Variants in ZC3H3 observed in about 807,000 individuals in gnomAD.
ZC3H3 encodes the protein zinc finger CCCH domain-containing protein 3.
In ZC3H3, 36 loss-of-function variants were observed where a neutral mutation model predicts 77.3. That is an observed-to-expected ratio of 0.47 (90% CI 0.36 to 0.61). ZC3H3 has a LOEUF of 0.61. Ranked by LOEUF, ZC3H3 falls within the 20% of genes least tolerant of loss-of-function variation. The pLI, the probability that ZC3H3 is intolerant of heterozygous loss-of-function variation, is 0.00. For missense variants in ZC3H3, 1,331 were observed against 1,312.2 expected, an observed-to-expected ratio of 1.01 and a Z score of -0.22; for synonymous variants, 626 against 555.2, an observed-to-expected ratio of 1.13 and a Z score of -1.79.
chr8:143,532,814 C>G (rs913695181), intron 3 of ZC3H3, among the ~76,000 whole-genome samples: 18 of 152,198 alleles, frequency 1.2e-4, no homozygotes, highest in Non-Finnish European at 2.4e-4. Context: ...TGGGCCCCAG[C>G]CTCCCATCTC....
At chr8:143,472,093 G>A (rs1820582873) in intron 5 of ZC3H3, among the ~76,000 whole-genome samples, 1 of 152,256 alleles carries the variant, frequency 6.6e-6, no homozygotes, top group Non-Finnish European at 1.5e-5. Context: ...CCCAGGGGCA[G>A]GGGTGGGAGC....
chr8:143,508,312 T>C lies in ZC3H3; in HGVS notation c.1562-413A>G, dbSNP rs550239771. Among the ~76,000 whole-genome samples the C allele has an allele frequency of 1.7e-3, 252 of 152,136 alleles. 2 individuals carry two copies. The highest frequency in any genetic ancestry group is 5.8e-3 in the African/African-American group (240 of 41,512). ...CAGTGAGGAAGGCAGATGGGCCACC[T>C]CCACCCAGGCCAGAGGGGCGGGGCT... On this transcript the variant is annotated intron_variant, in intron 3 of 11. Transcript: ENST00000262577.
chr8:143,506,006 A>C lies in ZC3H3; in HGVS notation c.1715+1740T>G, dbSNP rs375297970. ...GCCTATCAGCTGACCCGCTGCTCTCAGCCACATGGCGCCGACAGGAGGCCC... is the reference window on the plus strand; with the variant it reads ...GCCTATCAGCTGACCCGCTGCTCTCCGCCACATGGCGCCGACAGGAGGCCC... On this transcript the variant is annotated intron_variant, in intron 4 of 11. Transcript: ENST00000262577. Among the ~76,000 whole-genome samples, 81 of 152,328 alleles carry C rather than the reference A, an allele frequency of 5.3e-4. 2 individuals are homozygous for C. The highest frequency in any genetic ancestry group is 1.9e-3 in the African/African-American group (81 of 41,584).
At chr8:143,466,862 GC>G (rs1820422402) in intron 8 of ZC3H3, among the ~76,000 whole-genome samples, 1 of 152,210 alleles carries the variant, frequency 6.6e-6, no homozygotes, top group South Asian at 2.1e-4. Flanking sequence ...CCTGCTCAGA[GC>G]TGCTGGGGCC....
At chr8:143,502,370 A>G (rs1283506081) in intron 4 of ZC3H3, among the ~76,000 whole-genome samples, 1 of 152,264 alleles carries the variant, frequency 6.6e-6, no homozygotes, top group African/African-American at 2.4e-5. Context: ...GCAGCATCGC[A>G]GTGAGGACCC....
At chr8:143,472,736 A>G (rs1374466351) in intron 5 of ZC3H3, among the ~76,000 whole-genome samples, 1 of 152,198 alleles carries the variant, frequency 6.6e-6, no homozygotes, top group Non-Finnish European at 1.5e-5. Flanking sequence ...AGACGACCCA[A>G]GGGCCCCGGT....
intron 9 of ZC3H3, among the ~76,000 whole-genome samples, chr8:143,441,628 C>T (rs1290376685): frequency 6.6e-6 from 1 of 152,208 alleles, no homozygotes; most frequent in Non-Finnish European, 1.5e-5. Flanking sequence ...TGTCACAGTG[C>T]TAATTATACC....
intron 3 of ZC3H3, among the ~76,000 whole-genome samples, chr8:143,518,491 C>A (rs1324418431): frequency 2.0e-5 from 3 of 152,250 alleles, no homozygotes; most frequent in Non-Finnish European, 4.4e-5. Flanking sequence ...CTGAGAGAAA[C>A]GACGTGTCCC....
In ZC3H3 at chr8:143,533,887, G is replaced by A. The variant is rs936943536; in HGVS notation, c.1561+2370C>T. 6.6e-6 allele frequency among the ~76,000 whole-genome samples: 1 copy of A among 152,020 alleles called. No homozygotes were observed. Among genetic ancestry groups the A allele is most frequent in the Non-Finnish European group, 1.5e-5 (1 of 67,996 alleles). On this transcript the variant is annotated intron_variant, in intron 3 of 11. Transcript: ENST00000262577. This position sits in a 1 kb window ranked among gnomAD's most constrained non-coding sequence, Gnocchi z 4.0. The stretch of plus-strand genomic sequence containing the variant: ...GACGGGGTTTTGCCATGTTGCCAAG[G>A]CTGGTCTTGAACTCCTGACCTCAGG...
intron 4 of ZC3H3, among the ~76,000 whole-genome samples, chr8:143,504,796 G>A (rs918847332): frequency 2.0e-5 from 3 of 152,134 alleles, no homozygotes; most frequent in African/African-American, 7.2e-5. Context: ...CCCCACTGCC[G>A]TCCCTTCGCA....
At chr8:143,522,804 A>T (rs1369486487) in intron 3 of ZC3H3, among the ~76,000 whole-genome samples, 1 of 152,134 alleles carries the variant, frequency 6.6e-6, no homozygotes, top group African/African-American at 2.4e-5. Flanking sequence ...GCACACCTGT[A>T]GTCCCAGATA....
At chr8:143,441,658 C>T (rs1819745871) in intron 9 of ZC3H3, among the ~76,000 whole-genome samples, 1 of 152,176 alleles carries the variant, frequency 6.6e-6, no homozygotes, top group African/African-American at 2.4e-5. Context: ...GGGGGTGTGC[C>T]AGCCAGCAGG....
At chr8:143,443,528 C>T (rs1021745592) in intron 9 of ZC3H3, among the ~76,000 whole-genome samples, 1 of 152,076 alleles carries the variant, frequency 6.6e-6, no homozygotes, top group Admixed American at 6.6e-5. Context: ...GAAAACAGGG[C>T]TTAAAGGAAA....
In ZC3H3 at chr8:143,493,560, C is replaced by T. The variant is rs1586921424; in HGVS notation, c.1715+14186G>A. On this transcript the variant is annotated intron_variant, in intron 4 of 11. Coordinates refer to ENST00000262577, the MANE Select transcript of ZC3H3 (RefSeq NM_015117.3). The surrounding 1 kb of genome is among the most constrained non-coding windows in gnomAD (Gnocchi z 4.8). ...CATGGGCACTGCCAAGGACTCCACT[C>T]ACAAAGCCGAAAGGCCTGCCTGCCT... is the stretch of plus-strand genomic sequence containing the variant. Among the ~76,000 whole-genome samples, 1 of 152,232 alleles carries T rather than the reference C, an allele frequency of 6.6e-6. No individual in the cohort carries two copies. The highest frequency in any genetic ancestry group is 1.5e-5 in the Non-Finnish European group (1 of 68,042).
chr8:143,494,444 C>A lies in ZC3H3; in HGVS notation c.1715+13302G>T, dbSNP rs1397934136. Among the ~76,000 whole-genome samples, 2 of 152,164 alleles carry A rather than the reference C, an allele frequency of 1.3e-5. No individual in the cohort carries two copies. The highest frequency in any genetic ancestry group is 2.9e-5 in the Non-Finnish European group (2 of 68,016). On this transcript the variant is annotated intron_variant, in intron 4 of 11. Coordinates refer to ENST00000262577, the MANE Select transcript of ZC3H3 (RefSeq NM_015117.3). The surrounding 1 kb of genome is among the most constrained non-coding windows in gnomAD (Gnocchi z 5.3). ...TGGAGGATGGGGCTCCGGCAGATGA[C>A]CCCCGAGGGGTGAGCACAGGACCTC...
chr8:143,517,323 T>G (rs1822091189), intron 3 of ZC3H3, among the ~76,000 whole-genome samples: 1 of 152,038 alleles, frequency 6.6e-6, no homozygotes, highest in Non-Finnish European at 1.5e-5. Context: ...CTCCCTGCCC[T>G]CCACGGCTGG....
intron 4 of ZC3H3, among the ~76,000 whole-genome samples, chr8:143,498,480 C>T (rs1237955811): frequency 6.6e-6 from 1 of 152,172 alleles, no homozygotes; most frequent in Non-Finnish European, 1.5e-5. Context: ...GCCACGGAGG[C>T]GAGGAAGGGC....
intron 9 of ZC3H3, among the ~76,000 whole-genome samples, chr8:143,461,967 T>C (rs1820276878): frequency 6.6e-6 from 1 of 150,726 alleles, no homozygotes. Context: ...TGTACTTCAG[T>C]TAAGCTGCTT....
intron 9 of ZC3H3, among the ~76,000 whole-genome samples, chr8:143,461,604 CCGAA>C (rs1370553947): frequency 6.6e-6 from 1 of 152,120 alleles, no homozygotes; most frequent in Non-Finnish European, 1.5e-5. Context: ...TGGCAACCAC[CCGAA>C]CGGACAAAGA....
Sources: allele counts gnomAD v4.1 joint callset (sites outside exome capture counted in the v4.1 genomes callset), GRCh38; gene constraint gnomAD v4.1.1; non-coding constraint Gnocchi (gnomAD v3.1); transcripts MANE v1.5; gene names NCBI Gene and HGNC (gene_info 2026-07-23, HGNC 2026-07-21).